Variants in HMCN1 observed in about 807,000 individuals in gnomAD.
HMCN1 encodes the protein hemicentin-1.
HMCN1 carries 321 observed loss-of-function variants against 625.9 expected under a neutral mutation model. The ratio of observed to expected loss-of-function variants is 0.51; its 90% CI spans 0.47 to 0.56. The LOEUF (loss-of-function observed/expected upper bound fraction) is 0.56. Ranked by LOEUF, HMCN1 falls within the 20% of genes least tolerant of loss-of-function variation. The probability of loss-of-function intolerance (pLI) is 0.00; values close to 1 mark genes in which losing one functional copy is unlikely to be tolerated. For synonymous variants in HMCN1, 2,425 were observed against 2,417.6 expected, an observed-to-expected ratio of 1.00 and a Z score of -0.09; for missense variants, 6,588 against 6,887.3, an observed-to-expected ratio of 0.96 and a Z score of 1.54.
Position 185,982,303 on chromosome 1 carries a change from A to G in HMCN1, c.2704A>G (p.Ile902Val). The stretch of plus-strand genomic sequence containing the variant: ...AATCAGCCCTTCAGTGGCCAATGTT[A>G]TTGAAGGACAGCAGCTTACTTTGCC... ...IGISPSVANVIEGQQLTLPCT... is the reference protein window; with the variant it reads ...IGISPSVANVVEGQQLTLPCT... The change falls in exon 18 of 107, where the codon ATT becomes GTT. Residue 902 changes from isoleucine to valine, a missense_variant. Physicochemically the swap from Ile to Val is conservative, Grantham distance 29. This residue lies in a region of HMCN1 where 4,628 missense variants were observed against 4,853.1 expected (regional missense o/e 0.95). Coordinates refer to ENST00000271588, the MANE Select transcript of HMCN1 (RefSeq NM_031935.3). 1 of 1,613,590 alleles carries G rather than the reference A, an allele frequency of 6.2e-7. No individual in the cohort carries two copies. Among genetic ancestry groups the G allele is most frequent in the Non-Finnish European group, 8.5e-7 (1 of 1,179,576 alleles).
intron 1 of HMCN1, among the ~76,000 whole-genome samples, chr1:185,800,000 C>T (rs574343038): frequency 6.6e-6 from 1 of 152,160 alleles, no homozygotes; most frequent in Non-Finnish European, 1.5e-5. Context: ...AGTACCAGCC[C>T]TGATGGGGTC....
At chr1:186,054,035 T>C in intron 44 of HMCN1, 49 bp downstream of exon 44, 1 of 1,546,102 alleles carries the variant, frequency 6.5e-7, no homozygotes, top group Non-Finnish European at 8.9e-7. Flanking sequence ...CTTAAATCTT[T>C]TCATCCTTCT....
At chr1:185,905,571 C>A (rs1489943568) in intron 4 of HMCN1, among the ~76,000 whole-genome samples, 1 of 151,740 alleles carries the variant, frequency 6.6e-6, no homozygotes, top group African/African-American at 2.4e-5. Flanking sequence ...CCAAACAAAG[C>A]TATTCTTCAA....
intron 11 of HMCN1, among the ~76,000 whole-genome samples, chr1:185,940,474 A>T (rs2102509891): frequency 6.6e-6 from 1 of 152,280 alleles, no homozygotes; most frequent in South Asian, 2.1e-4. Context: ...ATATGTTTTA[A>T]TTCTGGTTAC....
intron 6 of HMCN1, among the ~76,000 whole-genome samples, chr1:185,917,132 A>C (rs764810994): frequency 1.3e-5 from 2 of 152,126 alleles, no homozygotes; most frequent in African/African-American, 4.8e-5. Flanking sequence ...GGAATCAGCT[A>C]TGATGGGAAT....
At chr1:185,782,255 G>A (rs1657178818) in intron 1 of HMCN1, among the ~76,000 whole-genome samples, 1 of 152,154 alleles carries the variant, frequency 6.6e-6, no homozygotes, top group Non-Finnish European at 1.5e-5. Context: ...CACGTGAGAT[G>A]GGTCTCCTGA....
At chr1:186,170,491 T>G (rs1280569585) in intron 100 of HMCN1, among the ~76,000 whole-genome samples, 1 of 152,152 alleles carries the variant, frequency 6.6e-6, no homozygotes, top group Non-Finnish European at 1.5e-5. Context: ...TAAAGACACA[T>G]GCACACGTAT....
At position 186,185,435 on chromosome 1, in the gene HMCN1, A is replaced by C. The variant is rs182851403; in HGVS notation, c.16415-2448A>C. Among the ~76,000 whole-genome samples the C allele has an allele frequency of 2.8e-3, 428 of 152,350 alleles. 2 individuals carry two copies. Among genetic ancestry groups the C allele is most frequent in the African/African-American group, 1.0e-2 (414 of 41,588 alleles). On this transcript the variant is annotated intron_variant, in intron 105 of 106. Coordinates refer to ENST00000271588, the MANE Select transcript of HMCN1 (RefSeq NM_031935.3). Reference sequence around the variant, plus strand: ...TTAAGCCCTCCTGGCTGATAAAATCATAATTAGAAATTTTTTCACAGAGGC... The same window carrying C: ...TTAAGCCCTCCTGGCTGATAAAATCCTAATTAGAAATTTTTTCACAGAGGC...
intron 42 of HMCN1, among the ~76,000 whole-genome samples, chr1:186,050,649 C>T (rs1656889370): frequency 6.6e-6 from 1 of 151,884 alleles, no homozygotes; most frequent in Non-Finnish European, 1.5e-5. Flanking sequence ...ACATACTTTA[C>T]AAATATGCAG....
chr1:185,950,920 G>C (rs1453181081), intron 11 of HMCN1, among the ~76,000 whole-genome samples: 1 of 151,690 alleles, frequency 6.6e-6, no homozygotes, highest in East Asian at 1.9e-4. Context: ...GGCTTGTCTG[G>C]TTTTAGGACA....
intron 1 of HMCN1, among the ~76,000 whole-genome samples, chr1:185,793,740 G>A (rs1337127903): frequency 2.0e-5 from 3 of 152,146 alleles, no homozygotes; most frequent in Non-Finnish European, 2.9e-5. Flanking sequence ...GGCATTTAAA[G>A]AGTCACCCAG....
At chr1:185,760,868 T>A (rs1435033844) in intron 1 of HMCN1, among the ~76,000 whole-genome samples, 1 of 152,160 alleles carries the variant, frequency 6.6e-6, no homozygotes, top group Non-Finnish European at 1.5e-5. Context: ...ACATTTTATG[T>A]ATGAGGAAAT....
chr1:185,950,948 G>A (rs1280947462), intron 11 of HMCN1, among the ~76,000 whole-genome samples: 5 of 150,592 alleles, frequency 3.3e-5, no homozygotes, highest in Non-Finnish European at 7.5e-5. Flanking sequence ...TGGGGGAATT[G>A]TAAGGAGAGT....
In HMCN1 at chr1:186,168,969, C is replaced by T. The variant is rs144473865; in HGVS notation, c.15574+2027C>T. Among the ~76,000 whole-genome samples the T allele has an allele frequency of 2.0e-3, 312 of 152,220 alleles. 1 individual carries two copies. Among genetic ancestry groups the T allele is most frequent in the African/African-American group, 7.1e-3 (295 of 41,544 alleles). ...TGCCTGATATTCCCCTCCCTGTGTCCATGTGTTCTCATTGTTCAACTCCCA... is the reference window on the plus strand; with the variant it reads ...TGCCTGATATTCCCCTCCCTGTGTCTATGTGTTCTCATTGTTCAACTCCCA... On this transcript the variant is annotated intron_variant, in intron 100 of 106. Coordinates refer to ENST00000271588, the MANE Select transcript of HMCN1 (RefSeq NM_031935.3).
intron 105 of HMCN1, among the ~76,000 whole-genome samples, chr1:186,185,194 C>T (rs1255826888): frequency 2.6e-5 from 4 of 152,196 alleles, no homozygotes; most frequent in South Asian, 2.1e-4. Context: ...CACTGATGTG[C>T]GTCCACCTTC....
At chr1:185,834,641 C>T (rs1455931742) in intron 1 of HMCN1, among the ~76,000 whole-genome samples, 3 of 152,148 alleles carry the variant, frequency 2.0e-5, no homozygotes, top group Non-Finnish European at 4.4e-5. Flanking sequence ...CATCTTTGCT[C>T]TATTCTTTTT....
At chr1:185,785,337 A>C (rs1449352433) in intron 1 of HMCN1, among the ~76,000 whole-genome samples, 1 of 152,186 alleles carries the variant, frequency 6.6e-6, no homozygotes, top group Non-Finnish European at 1.5e-5. Flanking sequence ...AGATAACTGT[A>C]CACTTTCTAG....
intron 1 of HMCN1, among the ~76,000 whole-genome samples, chr1:185,755,445 C>G (rs1343204749): frequency 1.3e-5 from 2 of 152,176 alleles, no homozygotes; most frequent in African/African-American, 4.8e-5. Context: ...CACAATCGGT[C>G]AGATCTTATC....
intron 1 of HMCN1, among the ~76,000 whole-genome samples, chr1:185,781,513 C>A (rs539754994): frequency 6.6e-6 from 1 of 152,184 alleles, no homozygotes; most frequent in Non-Finnish European, 1.5e-5. Context: ...CTACACACTG[C>A]TTTAAATGTG....
Sources: allele counts gnomAD v4.1 joint callset (sites outside exome capture counted in the v4.1 genomes callset), GRCh38; gene constraint gnomAD v4.1.1; regional missense constraint gnomAD v4.1.1; transcripts MANE v1.5; gene names NCBI Gene and HGNC (gene_info 2026-07-23, HGNC 2026-07-21).